The following FAXDC2 variants were observed in gnomAD, a reference collection of about 807,000 sequenced individuals.
FAXDC2 encodes the protein fatty acid hydroxylase domain containing 2, also known as fatty acid hydroxylase domain-containing protein 2.
A neutral mutation model predicts 40.9 loss-of-function variants in FAXDC2; 41 were observed. That is an observed-to-expected ratio of 1.00 (90% CI 0.78 to 1.30). The LOEUF (loss-of-function observed/expected upper bound fraction) is 1.30. Ranked by LOEUF, FAXDC2 falls within the 50% of genes most tolerant of loss-of-function variation. FAXDC2 has a pLI of 0.00. For synonymous variants in FAXDC2, 157 were observed against 149.3 expected, an observed-to-expected ratio of 1.05 and a Z score of -0.38; for missense variants, 390 against 408.8, an observed-to-expected ratio of 0.95 and a Z score of 0.40.
chr5:154,838,432 C>CA (rs916438688), intron 1 of FAXDC2: 84 of 476,516 alleles, frequency 1.8e-4, no homozygotes, highest in Non-Finnish European at 2.9e-4. Context: ...CTACCAACTA[C>CA]AAAAAATGTA....
intron 1 of FAXDC2, 135 bp downstream of exon 1, chr5:154,850,348 T>A (rs1760698910): frequency 6.6e-6 from 1 of 152,216 alleles, no homozygotes; most frequent in South Asian, 2.1e-4. Context: ...TAGAGGCAAA[T>A]CTAACCCTGC....
intron 6 of FAXDC2, among the ~76,000 whole-genome samples, chr5:154,823,038 G>A (rs1050475107): frequency 2.0e-5 from 3 of 152,080 alleles, no homozygotes; most frequent in African/African-American, 4.8e-5. Flanking sequence ...TTGAGACAAG[G>A]TCTTGCTCTT....
intron 4 of FAXDC2, among the ~76,000 whole-genome samples, chr5:154,833,143 GCTT>G (rs1760234913): frequency 6.7e-6 from 1 of 149,698 alleles, no homozygotes; most frequent in African/African-American, 2.5e-5. Flanking sequence ...TTCAAGCGAT[GCTT>G]GTGCCTCAGC....
rs756084643 is a variant in FAXDC2, at chr5:154,821,427, C to T, written c.679-1G>A. ...CTATCACCGGTAGCATGTTGGAGAC[C>T]TGCAAGAGGAGGGATGATTGAAGGC... On this transcript the variant is annotated splice_acceptor_variant, in intron 7 of 8. Transcript: ENST00000326080. LOFTEE classifies it high-confidence loss of function. 6.2e-6 allele frequency: 10 copies of T among 1,610,278 alleles called. No individual in the cohort carries two copies. The highest frequency in any genetic ancestry group is 7.6e-6 in the Non-Finnish European group (9 of 1,178,382).
chr5:154,824,406 G>A, intron 5 of FAXDC2: 1 of 687,298 alleles, frequency 1.5e-6, no homozygotes, highest in Non-Finnish European at 2.7e-6. Flanking sequence ...GAGCTGGAGG[G>A]ATTTCTGCCC....
At chr5:154,828,047 G>A (rs1354110917) in intron 5 of FAXDC2, among the ~76,000 whole-genome samples, 4 of 151,084 alleles carry the variant, frequency 2.6e-5, no homozygotes, top group South Asian at 2.1e-4. Context: ...ATGGGATCTC[G>A]TTCTGTCGCT....
intron 8 of FAXDC2, 112 bp downstream of exon 8, chr5:154,821,148 C>T (rs1759877213): frequency 1.1e-6 from 1 of 910,912 alleles, no homozygotes; most frequent in East Asian, 2.6e-5. Flanking sequence ...CAGACCTCTT[C>T]CCCAACTAGC....
In FAXDC2 at chr5:154,830,874, A is replaced by G; in HGVS notation, c.293T>C (p.Leu98Pro). ...CLFFWSFNGL[L>P]LVVDTTGKPN... Reference sequence around the variant, plus strand: ...TTTTCCTGTTGTGTCAACCACCAATAGAAGCCCATTGAAGCTCCAGAAGAA... The same window carrying G: ...TTTTCCTGTTGTGTCAACCACCAATGGAAGCCCATTGAAGCTCCAGAAGAA... The change falls in exon 5 of 9, where the codon CTA (leucine) becomes CCA (proline). Residue 98 changes from leucine (L) to proline (P), a missense_variant. Transcript: ENST00000326080. The G allele has an allele frequency of 1.2e-6, 2 of 1,614,190 alleles. No homozygotes were observed. Among genetic ancestry groups the G allele is most frequent in the Non-Finnish European group, 1.7e-6 (2 of 1,179,996 alleles).
chr5:154,822,285 T>C, intron 7 of FAXDC2, 187 bp downstream of exon 7: 1 of 576,824 alleles, frequency 1.7e-6, no homozygotes, highest in Non-Finnish European at 3.1e-6. Flanking sequence ...GTTGTTGGGA[T>C]GATTAAATGA....
At chr5:154,827,782 A>C (rs1268723206) in intron 5 of FAXDC2, among the ~76,000 whole-genome samples, 2 of 152,068 alleles carry the variant, frequency 1.3e-5, no homozygotes, top group Non-Finnish European at 2.9e-5. Flanking sequence ...TCCTGAGCTT[A>C]GGCATTCCTC....
chr5:154,826,011 T>C (rs1408489337), intron 5 of FAXDC2, among the ~76,000 whole-genome samples: 1 of 152,028 alleles, frequency 6.6e-6, no homozygotes, highest in Non-Finnish European at 1.5e-5. Context: ...AGGAGGGAGT[T>C]GGATATTTCA....
intron 3 of FAXDC2, 35 bp downstream of exon 3, chr5:154,834,808 C>G: frequency 6.3e-7 from 1 of 1,595,806 alleles, no homozygotes; most frequent in East Asian, 2.2e-5. Context: ...CCGACCACCA[C>G]CACACTGCAC....
At chr5:154,837,201 C>T (rs1010923923) in intron 2 of FAXDC2, among the ~76,000 whole-genome samples, 1 of 152,044 alleles carries the variant, frequency 6.6e-6, no homozygotes, top group South Asian at 2.1e-4. Context: ...GACTCGCATT[C>T]TCTCACGTGC....
intron 1 of FAXDC2, among the ~76,000 whole-genome samples, chr5:154,847,020 A>G (rs1250527491): frequency 6.6e-6 from 1 of 151,938 alleles, no homozygotes; most frequent in Non-Finnish European, 1.5e-5. Flanking sequence ...CTGAAGTACA[A>G]TGGCTCAATC....
chr5:154,831,021 A>G, intron 4 of FAXDC2, 99 bp from the exon 5 acceptor site: 1 of 1,464,912 alleles, frequency 6.8e-7, no homozygotes, highest in Non-Finnish European at 9.4e-7. Flanking sequence ...GCTTCATCCT[A>G]GACATTTCTT....
At position 154,823,406 on chromosome 5, in the gene FAXDC2, A is replaced by G; in HGVS notation, c.553T>C (p.Leu185=). 2 of 1,613,706 alleles carry G rather than the reference A, an allele frequency of 1.2e-6. No individual in the cohort carries two copies. Among genetic ancestry groups the G allele is most frequent in the South Asian group, 1.1e-5 (1 of 91,054 alleles). ...LAIFTLIEEV[L]FYYSHRLLHH... Reference sequence around the variant, plus strand: ...GCTCACCGGTGTGAATAGTAGAACAAGACTTCCTCGATCAGCGTGAAGATG... The same window carrying G: ...GCTCACCGGTGTGAATAGTAGAACAGGACTTCCTCGATCAGCGTGAAGATG... The change falls in exon 6 of 9, where the codon TTG becomes CTG. Residue 185 remains leucine, a synonymous_variant. Coordinates refer to ENST00000326080, the MANE Select transcript of FAXDC2 (RefSeq NM_032385.5).
At position 154,818,563 on chromosome 5, in the gene FAXDC2, C is replaced by T. The variant is rs1759790220; in HGVS notation, c.*1753G>A. 1 of 152,044 alleles carries T rather than the reference C, an allele frequency of 6.6e-6. No homozygotes were observed. Among genetic ancestry groups the T allele is most frequent in the Non-Finnish European group, 1.5e-5 (1 of 67,996 alleles). The allele number at this position is 152,044 out of a possible 1,614,324, so 9.4% of individuals were successfully genotyped here. On this transcript the variant is annotated 3_prime_UTR_variant, in exon 9 of 9. Transcript: ENST00000326080. ...CTGGGAATTTAAGGCCTTTTTTCAG[C>T]CTTAACTTGTATACCAACCTCAAGG... is the stretch of plus-strand genomic sequence containing the variant.
At chr5:154,848,259 C>T (rs1361338427) in intron 1 of FAXDC2, among the ~76,000 whole-genome samples, 2 of 152,118 alleles carry the variant, frequency 1.3e-5, no homozygotes, top group African/African-American at 2.4e-5. Context: ...GAAAAAAGAC[C>T]TCATGTTCAT....
intron 4 of FAXDC2, among the ~76,000 whole-genome samples, chr5:154,831,766 T>A (rs1219996925): frequency 6.6e-6 from 1 of 152,104 alleles, no homozygotes; most frequent in East Asian, 1.9e-4. Flanking sequence ...AGAGGGCAAT[T>A]TGGCAGTAAC....
Sources: allele counts gnomAD v4.1 joint callset (sites outside exome capture counted in the v4.1 genomes callset), GRCh38; gene constraint gnomAD v4.1.1; transcripts MANE v1.5; gene names NCBI Gene and HGNC (gene_info 2026-07-23, HGNC 2026-07-21).